Variants in EP300 observed in about 807,000 individuals in gnomAD.
EP300 encodes the protein EP300 lysine acetyltransferase.
In EP300, 31 loss-of-function variants were observed where a neutral mutation model predicts 264.0. The ratio of observed to expected loss-of-function variants is 0.12; its 90% CI spans 0.09 to 0.16. The LOEUF is 0.16. EP300 is among the 10% of genes least tolerant of loss of function. EP300 has a pLI of 1.00. For synonymous variants in EP300, 1,340 were observed against 1,045.4 expected, an observed-to-expected ratio of 1.28 and a Z score of -5.44; for missense variants, 2,766 against 3,052.9, an observed-to-expected ratio of 0.91 and a Z score of 2.21.
rs1601640764 is a variant in EP300, at chr22:41,177,701, A to G, written c.5990A>G (p.Gln1997Arg). 1 of 1,613,822 alleles carries G rather than the reference A, an allele frequency of 6.2e-7. No homozygotes were observed. Among genetic ancestry groups the G allele is most frequent in the Non-Finnish European group, 8.5e-7 (1 of 1,179,982 alleles). Residue 1997 changes from glutamine (Q) to arginine (R), a missense_variant, in exon 31 of 31, where the codon CAA (glutamine) becomes CGA (arginine). Physicochemically the swap from Gln to Arg is conservative, Grantham distance 43 (BLOSUM62 1). Coordinates refer to ENST00000263253, the MANE Select transcript of EP300 (RefSeq NM_001429.4). ...ATGCAGCAACAGCCACCCTGGAGCC[A>G]AGGAGGATTGCCTCAGCCCCAGCAA... ...TGMQQQPPWS[Q>R]GGLPQPQQLQ...
At chr22:41,121,417 A>G (rs2058851486) in intron 2 of EP300, among the ~76,000 whole-genome samples, 1 of 152,180 alleles carries the variant, frequency 6.6e-6, no homozygotes, top group Non-Finnish European at 1.5e-5. Flanking sequence ...CAGGAGATAG[A>G]AGGGGCAGTG....
In EP300 at chr22:41,101,408, A is replaced by G. The variant is rs200770758; in HGVS notation, c.94+8310A>G. 5.4e-5 allele frequency among the ~76,000 whole-genome samples: 8 copies of G among 147,032 alleles called. No homozygotes were observed. In the East Asian group the frequency reaches 1.4e-3, roughly 26 times the overall value. ...TTTTTTCTATTTTTCATTTTCTTAC[A>G]TGGATCTTTTTTTTTTTTTTTGAGA... On this transcript the variant is annotated intron_variant, in intron 1 of 30. Transcript: ENST00000263253.
At chr22:41,114,172 T>TTTGTTG (rs777548118) in intron 1 of EP300, among the ~76,000 whole-genome samples, 3 of 150,378 alleles carry the variant, frequency 2.0e-5, no homozygotes, top group Non-Finnish European at 3.0e-5. Context: ...CATTTGGGTA[T>TTTGTTG]TTGTTGTTGT....
In EP300 at chr22:41,167,560, TTGTGTG is replaced by T. The variant is rs71328777; in HGVS notation, c.3875-869_3875-864del. Among the ~76,000 whole-genome samples, 408 of 50,960 alleles carry T rather than the reference TTGTGTG, an allele frequency of 8.0e-3. 4 individuals carry two copies. The highest frequency in any genetic ancestry group is 0.016 in the African/African-American group (230 of 14,182). The allele number at this position is 50,960 out of a possible 152,430, so 33.4% of individuals were successfully genotyped here. On this transcript the variant is annotated intron_variant, in intron 23 of 30. Coordinates refer to ENST00000263253, the MANE Select transcript of EP300 (RefSeq NM_001429.4). Reference sequence around the variant, plus strand: ...ATAGAGATGTTCATTGTTTATATATTTGTGTGTGTGTGTGTGTGTGTGTGTATATAT... The same window carrying T: ...ATAGAGATGTTCATTGTTTATATATTTGTGTGTGTGTGTGTGTGTATATAT...
chr22:41,161,427 C>T (rs1269869685), intron 20 of EP300, among the ~76,000 whole-genome samples: 2 of 152,112 alleles, frequency 1.3e-5, no homozygotes, highest in Admixed American at 6.5e-5. Context: ...ACCATCCTGG[C>T]TAACACGGTG....
intron 10 of EP300, among the ~76,000 whole-genome samples, chr22:41,145,353 C>G (rs1170725400): frequency 6.6e-6 from 1 of 152,118 alleles, no homozygotes; most frequent in African/African-American, 2.4e-5. Flanking sequence ...TGAGCATTTC[C>G]TCTCTCAGTT....
rs578112810 is a variant in EP300 at position 41,178,512 on chromosome 22, A to G, written c.6801A>G (p.Gln2267=). 6.8e-5 allele frequency: 110 copies of G among 1,613,936 alleles called. No homozygotes were observed. Among genetic ancestry groups the G allele is most frequent in the Non-Finnish European group, 9.1e-5 (107 of 1,179,996 alleles). ...LQAYQQRLLQ[Q]QMGSPVQPNP... is the part of the protein sequence containing the mutation. ...CCTATCAGCAGCGACTCCTTCAGCAACAGATGGGGTCCCCTGTTCAGCCCA... is the reference window on the plus strand; with the variant it reads ...CCTATCAGCAGCGACTCCTTCAGCAGCAGATGGGGTCCCCTGTTCAGCCCA... The change falls in exon 31 of 31, where the codon CAA becomes CAG. Residue 2267 remains glutamine, a synonymous_variant. Coordinates refer to ENST00000263253, the MANE Select transcript of EP300 (RefSeq NM_001429.4).
rs1313424704 is a variant in EP300 at position 41,152,302 on chromosome 22, A to G, written c.3094A>G (p.Thr1032Ala). 4.3e-6 allele frequency: 7 copies of G among 1,614,020 alleles called. No homozygotes were observed. The highest frequency in any genetic ancestry group is 1.3e-5 in the African/African-American group (1 of 74,926). Residue 1032 changes from threonine (T) to alanine (A), a missense_variant, in exon 16 of 31, where the codon ACT becomes GCT. Physicochemically the swap from Thr to Ala is moderately conservative, Grantham distance 58. Coordinates refer to ENST00000263253, the MANE Select transcript of EP300 (RefSeq NM_001429.4). ...EIKEEEDQPS[T>A]SATQSSPAPG... is the part of the protein sequence containing the mutation. ...AAAAGAGGAGGAAGACCAGCCAAGT[A>G]CTTCAGCTACCCAGTCATCTCCGGC...
intron 15 of EP300, 42 bp downstream of exon 15, chr22:41,152,054 AG>A: frequency 6.2e-7 from 1 of 1,611,162 alleles, no homozygotes; most frequent in Non-Finnish European, 8.5e-7. Flanking sequence ...TTAGGACCTC[AG>A]TATAGGAACC....
chr22:41,140,475 A>G (rs1447168769), intron 9 of EP300, among the ~76,000 whole-genome samples: 1 of 152,038 alleles, frequency 6.6e-6, no homozygotes, highest in Non-Finnish European at 1.5e-5. Context: ...CAGTGCACTC[A>G]TGTGGCACTT....
chr22:41,163,827 T>A (rs544428957), intron 21 of EP300, among the ~76,000 whole-genome samples: 43 of 152,152 alleles, frequency 2.8e-4, no homozygotes, highest in African/African-American at 8.9e-4. Context: ...GGCAGGAAAA[T>A]GGCTTGAGCC....
intron 2 of EP300, among the ~76,000 whole-genome samples, chr22:41,125,093 C>T (rs2058873376): frequency 6.7e-6 from 1 of 149,670 alleles, no homozygotes; most frequent in Admixed American, 6.7e-5. Context: ...CACATGCCAC[C>T]ACATCCAGCT....
At chr22:41,163,187 G>A (rs1048593507) in intron 21 of EP300, among the ~76,000 whole-genome samples, 2 of 152,034 alleles carry the variant, frequency 1.3e-5, no homozygotes, top group Admixed American at 1.3e-4. Context: ...TGTAATCCCA[G>A]CACTTTGGGA....
rs869304891 is a variant in EP300, at chr22:41,154,376, C to CTTTTTTTTTTTTTTTTTTTTT, written c.3143-616_3143-596dup. On this transcript the variant is annotated intron_variant, in intron 16 of 30. Transcript: ENST00000263253. ...TCTTAACACGAGTATCTTGTGCACTCTTTTTTTTTTTTTTTTTTTTTTTGA... is the reference window on the plus strand; with the variant it reads ...TCTTAACACGAGTATCTTGTGCACTCTTTTTTTTTTTTTTTTTTTTTTTTTTTTTTTTTTTTTTTTTTTTGA... Among the ~76,000 whole-genome samples the CTTTTTTTTTTTTTTTTTTTTT allele has an allele frequency of 4.1e-3, 256 of 61,792 alleles. 39 individuals carry two copies. The highest frequency in any genetic ancestry group is 6.9e-3 in the Admixed American group (20 of 2,884). 40.5% of individuals were successfully genotyped at this position (61,792 alleles called of 152,430 possible).
rs774508702 is a variant in EP300 at position 41,177,544 on chromosome 22, G to C, written c.5833G>C (p.Val1945Leu). The C allele has an allele frequency of 4.3e-6, 7 of 1,614,058 alleles. No individual in the cohort carries two copies. In the African/African-American group the frequency reaches 8.0e-5, roughly 18 times the overall value. ...GGAGACGCAGCGCCAGATGGCCCAC[G>C]TGCAAATTTTTCAAAGGCCAATCCA... Reference protein sequence around the residue: ...AAETQRQMAHVQIFQRPIQHQ... With the variant: ...AAETQRQMAHLQIFQRPIQHQ... Residue 1945 changes from valine to leucine, a missense_variant, in exon 31 of 31, where the codon GTG becomes CTG. By Grantham distance (32) the Val-to-Leu change is conservative. Transcript: ENST00000263253.
At chr22:41,111,574 C>CT (rs1292733118) in intron 1 of EP300, among the ~76,000 whole-genome samples, 1 of 151,662 alleles carries the variant, frequency 6.6e-6, no homozygotes, top group Non-Finnish European at 1.5e-5. Flanking sequence ...CGGAGTTTTG[C>CT]TTTTGTCACC....
At chr22:41,156,118 TCTC>T (rs1228740251) in intron 17 of EP300, among the ~76,000 whole-genome samples, 1 of 152,012 alleles carries the variant, frequency 6.6e-6, no homozygotes, top group Non-Finnish European at 1.5e-5. Flanking sequence ...TTCAAGCAGT[TCTC>T]CTACCTCTCA....
intron 20 of EP300, among the ~76,000 whole-genome samples, chr22:41,161,472 C>T (rs1288145705): frequency 6.6e-6 from 1 of 151,990 alleles, no homozygotes; most frequent in Non-Finnish European, 1.5e-5. Flanking sequence ...AAAAAATTAG[C>T]CGGGCATGGT....
intron 8 of EP300, among the ~76,000 whole-genome samples, chr22:41,138,026 C>T (rs1443832827): frequency 2.0e-5 from 3 of 152,166 alleles, no homozygotes; most frequent in Non-Finnish European, 4.4e-5. Context: ...ACTATTCTGT[C>T]TAGTGACAGT....
Sources: gnomAD v4.1 joint callset for allele counts (sites outside exome capture counted in the v4.1 genomes callset) on GRCh38, gnomAD v4.1.1 for gene constraint, MANE v1.5 for transcripts, NCBI Gene and HGNC (gene_info 2026-07-23, HGNC 2026-07-21) for gene names.